CNTLN: variants seen among roughly 807,000 people sequenced by gnomAD.
CNTLN encodes centlein.
A neutral mutation model predicts 180.0 loss-of-function variants in CNTLN; 212 were observed. That is an observed-to-expected ratio of 1.18 (90% confidence interval 1.05 to 1.32). The LOEUF is 1.32. CNTLN is among the 40% of genes most tolerant of loss of function. CNTLN has a pLI of 0.00. For synonymous variants in CNTLN, 722 were observed against 563.1 expected, an observed-to-expected ratio of 1.28 and a Z score of -3.99; for missense variants, 2,095 against 1,610.9, an observed-to-expected ratio of 1.30 and a Z score of -5.14.
intron 8 of CNTLN, among the ~76,000 whole-genome samples, chr9:17,330,100 A>G (rs1333132150): frequency 2.0e-5 from 3 of 152,074 alleles, no homozygotes; most frequent in Non-Finnish European, 2.9e-5. Context: ...TATCTGAAAC[A>G]TGAATAAATT....
At chr9:17,320,793 G>A (rs1463722349) in intron 8 of CNTLN, among the ~76,000 whole-genome samples, 1 of 152,146 alleles carries the variant, frequency 6.6e-6, no homozygotes, top group Non-Finnish European at 1.5e-5. Flanking sequence ...ACAAGCCACC[G>A]TGTCTGGCCT....
chr9:17,273,989 T>C lies in CNTLN; in HGVS notation c.983+123T>C, dbSNP rs1828123594. 1.2e-5 allele frequency: 9 copies of C among 770,110 alleles called. No individual in the cohort carries two copies. In the Admixed American group the frequency reaches 3.1e-4, roughly 27 times the overall value. 47.7% of individuals were successfully genotyped at this position (770,110 alleles called of 1,614,324 possible). A position where few individuals can be genotyped will look rare whatever the true frequency, so the allele number is the denominator to read the frequency against. On this transcript the variant is annotated intron_variant, in intron 6 of 25. Transcript: ENST00000380647. ...CTATGTTTTCTGTGGTTATATATGT[T>C]TGTGCATTGAGAATCTGGAGTTATT...
chr9:17,427,079 T>C (rs1829132631), intron 18 of CNTLN, among the ~76,000 whole-genome samples: 1 of 152,120 alleles, frequency 6.6e-6, no homozygotes, highest in African/African-American at 2.4e-5. Flanking sequence ...TGAACTGAAG[T>C]TGCAGCACTC....
rs1460377007 is a variant in CNTLN, at chr9:17,502,671, T to G, written c.*19T>G. ...TAGATGATATTAAAATGGAGAGCTT[T>G]ATTGCAAATGTGAAAACTTTTTATG... On this transcript the variant is annotated 3_prime_UTR_variant, in exon 26 of 26. Transcript: ENST00000380647. 9.6e-7 allele frequency: 1 copy of G among 1,039,476 alleles called. No homozygotes were observed. 64.4% of individuals were successfully genotyped at this position (1,039,476 alleles called of 1,614,324 possible).
intron 12 of CNTLN, among the ~76,000 whole-genome samples, chr9:17,354,753 G>A (rs1822684351): frequency 6.6e-6 from 1 of 152,088 alleles, no homozygotes; most frequent in Admixed American, 6.6e-5. Flanking sequence ...AAAGCAGGCT[G>A]CCCGAGCCAG....
intron 8 of CNTLN, among the ~76,000 whole-genome samples, chr9:17,313,002 T>C (rs1819314435): frequency 6.6e-6 from 1 of 152,212 alleles, no homozygotes; most frequent in Non-Finnish European, 1.5e-5. Flanking sequence ...AAAGCTGTTT[T>C]ATTAGTTGTA....
intron 2 of CNTLN, among the ~76,000 whole-genome samples, chr9:17,215,883 A>T (rs62558292): frequency 0.026 from 3,950 of 152,200 alleles, 173 homozygotes; most frequent in African/African-American, 0.089. Context: ...GGTGTGCCGT[A>T]TGCTAAGACC....
chr9:17,409,171 C>A, intron 15 of CNTLN, 122 bp from the exon 16 acceptor site: 1 of 778,122 alleles, frequency 1.3e-6, no homozygotes, highest in South Asian at 1.8e-5. Flanking sequence ...AGTAAATGCC[C>A]ACGTTAAACT....
intron 12 of CNTLN, among the ~76,000 whole-genome samples, chr9:17,360,045 T>G (rs1184520703): frequency 1.3e-5 from 2 of 152,182 alleles, no homozygotes; most frequent in Non-Finnish European, 2.9e-5. Context: ...GGATATTTCT[T>G]TTTTTCCAAT....
intron 5 of CNTLN, among the ~76,000 whole-genome samples, chr9:17,247,834 CTT>C (rs1217713916): frequency 2.2e-4 from 21 of 95,456 alleles, no homozygotes; most frequent in Non-Finnish European, 3.0e-4. Flanking sequence ...TCTGTTCTTT[CTT>C]TTTTTTTTTT....
chr9:17,157,662 C>T (rs1191262376), intron 2 of CNTLN, among the ~76,000 whole-genome samples: 1 of 152,210 alleles, frequency 6.6e-6, no homozygotes, highest in Admixed American at 6.5e-5. Context: ...TCATTTGAGG[C>T]CTGAATAGAA....
chr9:17,145,368 T>C (rs1298764893), intron 2 of CNTLN, among the ~76,000 whole-genome samples: 1 of 152,182 alleles, frequency 6.6e-6, no homozygotes, highest in African/African-American at 2.4e-5. Context: ...TAGAGAACCA[T>C]GTAGTATGTT....
intron 5 of CNTLN, among the ~76,000 whole-genome samples, chr9:17,245,469 C>G (rs1271858620): frequency 1.3e-5 from 2 of 149,920 alleles, no homozygotes; most frequent in African/African-American, 2.4e-5. Context: ...TGTCAGTATC[C>G]TTTCTTTATC....
chr9:17,259,722 G>A (rs1259686578), intron 5 of CNTLN, among the ~76,000 whole-genome samples: 1 of 150,532 alleles, frequency 6.6e-6, no homozygotes, highest in African/African-American at 2.5e-5. Flanking sequence ...ATGTGTCGAG[G>A]AATTTATCCA....
chr9:17,362,538 AGGG>A (rs1823481572), intron 12 of CNTLN, among the ~76,000 whole-genome samples: 1 of 152,142 alleles, frequency 6.6e-6, no homozygotes, highest in Admixed American at 6.5e-5. Context: ...ATACTGAGTG[AGGG>A]GAAGGAGAGG....
At chr9:17,307,354 G>A (rs1369805333) in intron 7 of CNTLN, among the ~76,000 whole-genome samples, 3 of 151,776 alleles carry the variant, frequency 2.0e-5, no homozygotes, top group East Asian at 1.9e-4. Flanking sequence ...CTGCAGCCTC[G>A]ACCTCCTGGG....
chr9:17,430,322 T>C (rs1829342505), intron 18 of CNTLN, among the ~76,000 whole-genome samples: 1 of 152,002 alleles, frequency 6.6e-6, no homozygotes, highest in South Asian at 2.1e-4. Context: ...TAGTAATTAA[T>C]ATCATTAATA....
intron 13 of CNTLN, among the ~76,000 whole-genome samples, chr9:17,369,082 G>A (rs746972663): frequency 2.0e-5 from 3 of 152,112 alleles, no homozygotes; most frequent in Non-Finnish European, 4.4e-5. Context: ...TAATCTCCAC[G>A]TGTCAAAAGA....
At chr9:17,362,991 T>A (rs1268502963) in intron 12 of CNTLN, among the ~76,000 whole-genome samples, 1 of 152,206 alleles carries the variant, frequency 6.6e-6, no homozygotes, top group Non-Finnish European at 1.5e-5. Context: ...ATGCGGTATT[T>A]GGTTTTCTGT....
Sources: allele counts gnomAD v4.1 joint callset (sites outside exome capture counted in the v4.1 genomes callset), GRCh38; gene constraint gnomAD v4.1.1; transcripts MANE v1.5; gene names NCBI Gene and HGNC (gene_info 2026-07-23, HGNC 2026-07-21).